Variants in ACIN1 observed in about 807,000 individuals in gnomAD.
ACIN1 encodes apoptotic chromatin condensation inducer 1.
Under a neutral mutation model 146.6 loss-of-function variants are expected in ACIN1, and 16 were observed. The observed-to-expected ratio is 0.11, with a 90% CI of 0.07 to 0.17. The LOEUF (loss-of-function observed/expected upper bound fraction) is 0.17. Ranked by LOEUF, ACIN1 falls within the 10% of genes least tolerant of loss-of-function variation. The pLI is 1.00. For missense variants in ACIN1, 1,357 were observed against 1,609.3 expected, an observed-to-expected ratio of 0.84 and a Z score of 2.68; for synonymous variants, 569 against 582.7, an observed-to-expected ratio of 0.98 and a Z score of 0.34.
Position 23,075,022 on chromosome 14 carries a change from C to T in ACIN1, c.2123+3129G>A, listed in dbSNP as rs551886811. Among the ~76,000 whole-genome samples, 24 of 152,294 alleles carry T rather than the reference C, an allele frequency of 1.6e-4. No individual in the cohort carries two copies. In the South Asian group the frequency reaches 2.9e-3, roughly 18 times the overall value. On this transcript the variant is annotated intron_variant, in intron 8 of 18. Transcript: ENST00000605057. Reference sequence around the variant, plus strand: ...GGGTATATGTCCTTAGATAATTTCTCAGTGGAGCAAACTCTATTGATGACA... The same window carrying T: ...GGGTATATGTCCTTAGATAATTTCTTAGTGGAGCAAACTCTATTGATGACA...
rs2047506945 is a variant in ACIN1, at chr14:23,067,814, G to A, written c.2265+1662C>T. ...CCTTTCTCCTCTGCCTGTAACTGGG[G>A]AGGGGGTCCTCTCACCGAGTGGGAT... On this transcript the variant is annotated intron_variant, in intron 9 of 18. Transcript: ENST00000605057. This position sits in a 1 kb window ranked among gnomAD's most constrained non-coding sequence, Gnocchi z 4.6. The A allele has an allele frequency of 1.0e-6, 1 of 985,784 alleles. No homozygotes were observed. Among genetic ancestry groups the A allele is most frequent in the Non-Finnish European group, 1.2e-6 (1 of 829,990 alleles). 61.1% of individuals were successfully genotyped at this position (985,784 alleles called of 1,614,324 possible). A position where few individuals can be genotyped will look rare whatever the true frequency, so the allele number is the denominator to read the frequency against.
chr14:23,071,549 G>A (rs2047655641), intron 8 of ACIN1: 1 of 1,550,440 alleles, frequency 6.4e-7, no homozygotes. Context: ...ACATGCAGGG[G>A]AGCCATCTTG....
chr14:23,068,546 G>A lies in ACIN1; in HGVS notation c.2265+930C>T. 1 of 985,916 alleles carries A rather than the reference G, an allele frequency of 1.0e-6. No individual in the cohort carries two copies. Among genetic ancestry groups the A allele is most frequent in the African/African-American group, 1.7e-5 (1 of 57,368 alleles). 61.1% of individuals were successfully genotyped at this position (985,916 alleles called of 1,614,324 possible). Reference sequence around the variant, plus strand: ...TGCCCCCCTCTGGCCAAGACACCTGGATAGCAGACTTGGCTCTGATTGGGC... The same window carrying A: ...TGCCCCCCTCTGGCCAAGACACCTGAATAGCAGACTTGGCTCTGATTGGGC... On this transcript the variant is annotated intron_variant, in intron 9 of 18. Transcript: ENST00000605057. The surrounding 1 kb of genome is among the most constrained non-coding windows in gnomAD (Gnocchi z 4.3).
Position 23,062,163 on chromosome 14 carries a change from C to G in ACIN1, c.3099+5G>C. Reference sequence around the variant, plus strand: ...TCCTCTCTTTCCTCTCCCTAGGTTTCTTACCTCATCTTGCTCGGCATAGTC... The same window carrying G: ...TCCTCTCTTTCCTCTCCCTAGGTTTGTTACCTCATCTTGCTCGGCATAGTC... On this transcript the variant is annotated splice_donor_5th_base_variant and intron_variant, in intron 16 of 18. Coordinates refer to ENST00000605057, the MANE Select transcript of ACIN1 (RefSeq NM_001386863.1). The G allele has an allele frequency of 6.2e-7, 1 of 1,613,170 alleles. No homozygotes were observed. The highest frequency in any genetic ancestry group is 2.2e-5 in the East Asian group (1 of 44,868).
At chr14:23,060,069 T>C (rs2047229367) in intron 18 of ACIN1, among the ~76,000 whole-genome samples, 1 of 150,434 alleles carries the variant, frequency 6.6e-6, no homozygotes, top group African/African-American at 2.4e-5. Flanking sequence ...GTGATTCTCC[T>C]GCCTCAGCCT....
At chr14:23,062,048 G>A (rs2140001471) in intron 16 of ACIN1, 120 bp downstream of exon 16, 1 of 801,850 alleles carries the variant, frequency 1.2e-6, no homozygotes, top group Non-Finnish European at 2.0e-6. Flanking sequence ...ACCAAAGCCA[G>A]GGAAGAAGAG....
At chr14:23,095,305 T>C (rs371476170), upstream of ACIN1, 10 of 1,583,194 alleles carry the variant, frequency 6.3e-6, no homozygotes, top group Admixed American at 1.7e-5. Context: ...ATCAATTCTT[T>C]CCATCCGCCC....
At chr14:23,059,997 G>A (rs1464042063) in intron 18 of ACIN1, among the ~76,000 whole-genome samples, 4 of 121,106 alleles carry the variant, frequency 3.3e-5, no homozygotes, top group Admixed American at 2.0e-4. Context: ...TCACTCTGTC[G>A]CCCAGGCTGG....
chr14:23,093,418 G>A lies in ACIN1; in HGVS notation c.204+61C>T, dbSNP rs114827604. On this transcript the variant is annotated intron_variant, in intron 2 of 18. Transcript: ENST00000605057. The stretch of plus-strand genomic sequence containing the variant: ...TTAAGCATCAAATATACAACACCAC[G>A]TCCTTCCATGTGTCTGGATATCCAA... The A allele has an allele frequency of 2.1e-3, 3,126 of 1,489,254 alleles. 56 individuals are homozygous for A. In the African/African-American group the frequency reaches 0.035, roughly 17 times the overall value. 92.3% of individuals were successfully genotyped at this position (1,489,254 alleles called of 1,614,324 possible).
At position 23,093,521 on chromosome 14, in the gene ACIN1, C is replaced by T; in HGVS notation, c.162G>A (p.Gln54=). The T allele has an allele frequency of 6.2e-7, 1 of 1,613,980 alleles. No individual in the cohort carries two copies. The highest frequency in any genetic ancestry group is 8.5e-7 in the Non-Finnish European group (1 of 1,179,954). The change falls in exon 2 of 19, where the codon CAG becomes CAA. Residue 54 remains glutamine (Q), a synonymous_variant. Coordinates refer to ENST00000605057, the MANE Select transcript of ACIN1 (RefSeq NM_001386863.1). ...ATGCAGCATGGGGTGTTGAGTGTTTCTGTAAATTTTCTAGCATTAGAGCCT... is the reference window on the plus strand; with the variant it reads ...ATGCAGCATGGGGTGTTGAGTGTTTTTGTAAATTTTCTAGCATTAGAGCCT... The part of the protein sequence containing the change: ...LKGALMLENL[Q]KHSTPHAAFQ...
rs2047491282 is a variant in ACIN1 at position 23,067,409 on chromosome 14, G to A, written c.2266-1401C>T. The A allele has an allele frequency of 1.0e-6, 1 of 984,830 alleles. No individual in the cohort carries two copies. Among genetic ancestry groups the A allele is most frequent in the African/African-American group, 1.8e-5 (1 of 56,958 alleles). The allele number at this position is 984,830 out of a possible 1,614,324, so 61.0% of individuals were successfully genotyped here. A position where few individuals can be genotyped will look rare whatever the true frequency, so the allele number is the denominator to read the frequency against. The stretch of plus-strand genomic sequence containing the variant: ...ATGAGCCCTCCCTGCTAGGCGCTGT[G>A]CAATTGGTGGGGGGTTGGGTTGGCA... On this transcript the variant is annotated intron_variant, in intron 9 of 18. Transcript: ENST00000605057. This position sits in a 1 kb window ranked among gnomAD's most constrained non-coding sequence, Gnocchi z 4.6.
intron 7 of ACIN1, 152 bp downstream of exon 7, chr14:23,078,668 A>T (rs2047862688): frequency 1.2e-6 from 1 of 850,634 alleles, no homozygotes; most frequent in Non-Finnish European, 1.8e-6. Flanking sequence ...CGAACCAGGG[A>T]GCTGGAAATG....
Position 23,058,847 on chromosome 14 carries a change from C to T in ACIN1, c.*301G>A. 2.3e-6 allele frequency: 1 copy of T among 440,700 alleles called. No individual in the cohort carries two copies. The highest frequency in any genetic ancestry group is 4.1e-6 in the Non-Finnish European group (1 of 244,016). 27.3% of individuals were successfully genotyped at this position (440,700 alleles called of 1,614,324 possible). ...GTGGTAAGCAGGATGGAGGAAAAAT[C>T]AGAGGACTGGGGCACCTGGCTGTTC... On this transcript the variant is annotated 3_prime_UTR_variant, in exon 19 of 19. Transcript: ENST00000605057.
intron 5 of ACIN1, 150 bp downstream of exon 5, chr14:23,081,598 C>G (rs2047946027): frequency 1.6e-6 from 1 of 638,300 alleles, no homozygotes; most frequent in Non-Finnish European, 2.6e-6. Context: ...CCACTGCACT[C>G]CAGCCTAGGC....
At chr14:23,066,143 G>A (rs1170059372) in intron 9 of ACIN1, 135 bp from the exon 10 acceptor site, 1 of 661,830 alleles carries the variant, frequency 1.5e-6, no homozygotes, top group Non-Finnish European at 2.6e-6. Flanking sequence ...GACAGAGAGA[G>A]ACACAGAGAC....
rs369134837 is a variant in ACIN1, at chr14:23,079,691, C to T, written c.1644G>A (p.Pro548=). 23 of 1,613,896 alleles carry T rather than the reference C, an allele frequency of 1.4e-5. No homozygotes were observed. Among genetic ancestry groups the T allele is most frequent in the African/African-American group, 2.7e-5 (2 of 74,862 alleles). The change falls in exon 6 of 19, where the codon CCG becomes CCA. Residue 548 remains proline (P), a synonymous_variant. Coordinates refer to ENST00000605057, the MANE Select transcript of ACIN1 (RefSeq NM_001386863.1). ...PDSSGSRSHS[P]LRSKQRDVAQ... ...CTACATCTCTCTGCTTGGATCTGAG[C>T]GGTGAATGAGACCGAGAACCTGAAC... is the stretch of plus-strand genomic sequence containing the variant.
intron 2 of ACIN1, among the ~76,000 whole-genome samples, 184 bp downstream of exon 2, chr14:23,093,295 C>T (rs146238836): frequency 5.3e-5 from 8 of 152,360 alleles, no homozygotes; most frequent in Non-Finnish European, 1.0e-4. Flanking sequence ...CTGTTCTTTA[C>T]TCCAGGCCCT....
At chr14:23,065,485 CGGA>C (rs747968421) in intron 10 of ACIN1, among the ~76,000 whole-genome samples, 4 of 152,048 alleles carry the variant, frequency 2.6e-5, no homozygotes, top group Admixed American at 6.6e-5. Context: ...ACTCAGGAGG[CGGA>C]GGAGGATTGC....
At chr14:23,084,888 C>A (rs2048048349) in intron 4 of ACIN1, among the ~76,000 whole-genome samples, 1 of 151,972 alleles carries the variant, frequency 6.6e-6, no homozygotes, top group Non-Finnish European at 1.5e-5. Flanking sequence ...TTTCATAATT[C>A]AGTGATCTGA....
Sources: allele counts gnomAD v4.1 joint callset (sites outside exome capture counted in the v4.1 genomes callset), GRCh38; gene constraint gnomAD v4.1.1; non-coding constraint Gnocchi (gnomAD v3.1); transcripts MANE v1.5; gene names NCBI Gene and HGNC (gene_info 2026-07-23, HGNC 2026-07-21).